Variants in WDSUB1 observed in about 807,000 individuals in gnomAD.
The protein encoded by WDSUB1 is WD repeat, sterile alpha motif and U-box domain containing 1, also known as WD repeat, SAM and U-box domain-containing protein 1.
Under a neutral mutation model 53.9 loss-of-function variants are expected in WDSUB1, and 49 were observed. The observed-to-expected ratio is 0.91, with a 90% CI of 0.72 to 1.15. The LOEUF (loss-of-function observed/expected upper bound fraction) is 1.15. WDSUB1 is among the 50% of genes most tolerant of loss of function. WDSUB1 has a pLI of 0.00. For missense variants in WDSUB1, 514 were observed against 562.0 expected (o/e 0.91, Z 0.86); for synonymous variants, 194 against 200.6 (o/e 0.97, Z 0.28).
intron 4 of WDSUB1, among the ~76,000 whole-genome samples, chr2:159,274,372 TGA>T (rs753765969): frequency 3.3e-5 from 5 of 151,952 alleles, no homozygotes; most frequent in Non-Finnish European, 7.4e-5. Context: ...GGGCAAGACC[TGA>T]GAGAGGAGAT....
intron 10 of WDSUB1, among the ~76,000 whole-genome samples, chr2:159,245,010 A>G (rs1181760062): frequency 1.3e-5 from 2 of 152,232 alleles, no homozygotes; most frequent in African/African-American, 4.8e-5. Context: ...CCTGTAACAG[A>G]AAAGAAGACC....
intron 2 of WDSUB1, among the ~76,000 whole-genome samples, chr2:159,280,430 G>A (rs929354099): frequency 5.3e-5 from 8 of 151,924 alleles, no homozygotes; most frequent in Non-Finnish European, 1.0e-4. Context: ...GGTGGCTCAC[G>A]CCTGTAATCC....
rs2061698549 is a variant in WDSUB1 at position 159,282,916 on chromosome 2, A to G, written c.154T>C (p.Phe52Leu). 3.7e-6 allele frequency: 6 copies of G among 1,614,190 alleles called. No individual in the cohort carries two copies. Among genetic ancestry groups the G allele is most frequent in the Non-Finnish European group, 5.1e-6 (6 of 1,180,044 alleles). ...CAGCAGTGGACAGCATAGGTATGAAACTTCAATGGAGAATGTGGCAGTTCA... is the reference window on the plus strand; with the variant it reads ...CAGCAGTGGACAGCATAGGTATGAAGCTTCAATGGAGAATGTGGCAGTTCA... ...FTELPHSPLK[F>L]HTYAVHCCCF... Residue 52 changes from phenylalanine to leucine, a missense_variant, in exon 2 of 11, where the codon TTT (phenylalanine) becomes CTT (leucine). Transcript: ENST00000359774.
intron 9 of WDSUB1, among the ~76,000 whole-genome samples, chr2:159,250,765 A>G (rs2060933457): frequency 6.6e-6 from 1 of 152,204 alleles, no homozygotes; most frequent in East Asian, 1.9e-4. Context: ...AGATTAATAG[A>G]ATAAAGGCTT....
intron 5 of WDSUB1, among the ~76,000 whole-genome samples, chr2:159,262,764 T>C (rs535673672): frequency 1.8e-3 from 270 of 152,314 alleles, no homozygotes; most frequent in Non-Finnish European, 2.0e-3. Context: ...CCAACTTACA[T>C]AGACACAAAA....
chr2:159,241,268 T>C (rs550914107), intron 10 of WDSUB1, among the ~76,000 whole-genome samples: 1 of 152,374 alleles, frequency 6.6e-6, no homozygotes, highest in Non-Finnish European at 1.5e-5. Flanking sequence ...TTAGGTTTTC[T>C]GTAATTCTAA....
rs13407368 is a variant in WDSUB1, at chr2:159,248,496, A to G, written c.1149T>C (p.Arg383=). 0.035 allele frequency: 54,687 copies of G among 1,558,332 alleles called. 3,358 individuals carry two copies. The highest frequency in any genetic ancestry group is 0.22 in the African/African-American group (15,732 of 71,790). ...CTTCAATTTTCCTCAGCACTTTACT[A>G]CGCAGTCCTAGAGATTCTGAAAAGA... is the stretch of plus-strand genomic sequence containing the variant. The part of the protein sequence containing the change: ...DDLKIESLGL[R]SKVLRKIEEL... Residue 383 remains arginine (R), a synonymous_variant, in exon 10 of 11, where the codon CGT becomes CGC. Coordinates refer to ENST00000359774, the MANE Select transcript of WDSUB1 (RefSeq NM_001128212.3).
intron 5 of WDSUB1, among the ~76,000 whole-genome samples, chr2:159,265,114 CAACAACAACAAA>C (rs1466749458): frequency 2.0e-5 from 3 of 148,654 alleles, no homozygotes; most frequent in African/African-American, 5.0e-5. Context: ...ACAACAACAA[CAACAACAACAAA>C]AAAAAACAAC....
In WDSUB1 at chr2:159,236,188, C is replaced by T. The variant is rs1369848086; in HGVS notation, c.1276G>A (p.Gly426Ser). Residue 426 changes from glycine to serine, a missense_variant and splice_region_variant, in exon 11 of 11, where the codon GGC (glycine) becomes AGC (serine). Coordinates refer to ENST00000359774, the MANE Select transcript of WDSUB1 (RefSeq NM_001128212.3). ...ATTGCTTCCTTTTCATATGAATAGCCATCTAAAAAAAAAAAATCACACAAA... is the reference window on the plus strand; with the variant it reads ...ATTGCTTCCTTTTCATATGAATAGCTATCTAAAAAAAAAAAATCACACAAA... ...LMKDPVIASD[G>S]YSYEKEAMEN... 4 of 1,590,424 alleles carry T rather than the reference C, an allele frequency of 2.5e-6. No homozygotes were observed. Among genetic ancestry groups the T allele is most frequent in the Admixed American group, 3.7e-5 (2 of 54,590 alleles).
At chr2:159,282,262 G>A (rs955120499) in intron 2 of WDSUB1, among the ~76,000 whole-genome samples, 3 of 151,244 alleles carry the variant, frequency 2.0e-5, no homozygotes, top group Non-Finnish European at 4.4e-5. Context: ...GTGTGATCTC[G>A]GCTCACTGCA....
At chr2:159,246,730 A>G (rs2060806448) in intron 10 of WDSUB1, among the ~76,000 whole-genome samples, 1 of 152,232 alleles carries the variant, frequency 6.6e-6, no homozygotes, top group African/African-American at 2.4e-5. Flanking sequence ...CACAAAATAG[A>G]AAAGACCTGA....
intron 4 of WDSUB1, among the ~76,000 whole-genome samples, chr2:159,274,099 A>C (rs1450708968): frequency 6.6e-6 from 1 of 152,212 alleles, no homozygotes; most frequent in Non-Finnish European, 1.5e-5. Flanking sequence ...AAACTGAATC[A>C]ACTTTGGGGA....
intron 10 of WDSUB1, among the ~76,000 whole-genome samples, chr2:159,247,427 C>T: frequency 6.6e-6 from 1 of 152,140 alleles, no homozygotes; most frequent in South Asian, 2.1e-4. Context: ...CAAGTAAGGA[C>T]TATAGTTTCA....
At position 159,256,179 on chromosome 2, in the gene WDSUB1, T is replaced by G; in HGVS notation, c.1132+17A>C. 1 of 1,577,276 alleles carries G rather than the reference T, an allele frequency of 6.3e-7. No homozygotes were observed. Among genetic ancestry groups the G allele is most frequent in the Non-Finnish European group, 8.6e-7 (1 of 1,166,628 alleles). The stretch of plus-strand genomic sequence containing the variant: ...TAAAAGTTGTTTTGAAGATTGCCTA[T>G]CTTTCACTAAGCTTACCAATTTTCA... On this transcript the variant is annotated intron_variant, in intron 9 of 10. Transcript: ENST00000359774.
intron 1 of WDSUB1, among the ~76,000 whole-genome samples, chr2:159,285,010 T>C (rs1182846053): frequency 6.6e-6 from 1 of 152,194 alleles, no homozygotes; most frequent in African/African-American, 2.4e-5. Context: ...GGCTAGCACA[T>C]CACTCTATAT....
intron 5 of WDSUB1, among the ~76,000 whole-genome samples, chr2:159,265,409 T>C (rs2061323526): frequency 6.6e-6 from 1 of 152,192 alleles, no homozygotes; most frequent in Non-Finnish European, 1.5e-5. Context: ...TGAGACCTTC[T>C]GGAAACAGGC....
chr2:159,248,427 A>C lies in WDSUB1; in HGVS notation c.1218T>G (p.Asp406Glu). ...KVKSLSSGIP[D>E]EFICPITREL... Reference sequence around the variant, plus strand: ...CTCTAGTTATTGGACATATAAATTCATCAGGAATTCCTGAAGAAAGGGATT... The same window carrying C: ...CTCTAGTTATTGGACATATAAATTCCTCAGGAATTCCTGAAGAAAGGGATT... Residue 406 changes from aspartate (D) to glutamate (E), a missense_variant, in exon 10 of 11, where the codon GAT becomes GAG. By Grantham distance (45) the Asp-to-Glu change is conservative. Coordinates refer to ENST00000359774, the MANE Select transcript of WDSUB1 (RefSeq NM_001128212.3). 6.2e-7 allele frequency: 1 copy of C among 1,609,832 alleles called. No homozygotes were observed. Among genetic ancestry groups the C allele is most frequent in the Non-Finnish European group, 8.5e-7 (1 of 1,178,638 alleles).
chr2:159,258,346 T>C (rs2061114797), intron 6 of WDSUB1, among the ~76,000 whole-genome samples: 1 of 152,284 alleles, frequency 6.6e-6, no homozygotes, highest in African/African-American at 2.4e-5. Context: ...TTGTATACAT[T>C]GCAGGACCAG....
intron 1 of WDSUB1, among the ~76,000 whole-genome samples, chr2:159,284,005 C>T (rs76089559): frequency 0.08 from 12,183 of 151,968 alleles, 1,081 homozygotes; most frequent in East Asian, 0.22. Context: ...TAGTAGAGAC[C>T]GGGTTTCCCC....
Sources: allele counts gnomAD v4.1 joint callset (sites outside exome capture counted in the v4.1 genomes callset), GRCh38; gene constraint gnomAD v4.1.1; transcripts MANE v1.5; gene names NCBI Gene and HGNC (gene_info 2026-07-23, HGNC 2026-07-21).